NRXN3: variants seen among roughly 807,000 people sequenced by gnomAD.
NRXN3 encodes neurexin 3.
Under a neutral mutation model 137.6 loss-of-function variants are expected in NRXN3, and 32 were observed. That is an observed-to-expected ratio of 0.23 (90% CI 0.18 to 0.31). The LOEUF (loss-of-function observed/expected upper bound fraction) is 0.31, where lower values mean the gene tolerates loss of function less well. NRXN3 is among the 10% of genes least tolerant of loss of function. The probability of loss-of-function intolerance (pLI) is 1.00; values close to 1 mark genes in which losing one functional copy is unlikely to be tolerated. For synonymous variants in NRXN3, 798 were observed against 784.5 expected (o/e 1.02, Z -0.29); for missense variants, 1,574 against 2,062.5 (o/e 0.76, Z 4.59).
At chr14:78,477,828 C>T (rs1399631623) in intron 4 of NRXN3, among the ~76,000 whole-genome samples, 1 of 152,112 alleles carries the variant, frequency 6.6e-6, no homozygotes, top group African/African-American at 2.4e-5. Context: ...GTTTAATTTT[C>T]ATAGAAGTTC....
At chr14:79,755,557 A>G (rs897103922) in intron 19 of NRXN3, among the ~76,000 whole-genome samples, 2 of 149,144 alleles carry the variant, frequency 1.3e-5, no homozygotes, top group African/African-American at 2.5e-5. Context: ...TGCTAGAAGT[A>G]GTTTACTGTC....
At chr14:79,076,534 C>G (rs1228370206) in intron 15 of NRXN3, among the ~76,000 whole-genome samples, 1 of 152,122 alleles carries the variant, frequency 6.6e-6, no homozygotes, top group Non-Finnish European at 1.5e-5. Context: ...GGCACAAGAG[C>G]CTTTCTACAG....
chr14:78,392,686 G>A (rs960739352), intron 4 of NRXN3, among the ~76,000 whole-genome samples: 3 of 152,018 alleles, frequency 2.0e-5, no homozygotes, highest in African/African-American at 7.2e-5. Flanking sequence ...CATGTAAAAT[G>A]GTCAATAAAT....
intron 15 of NRXN3, among the ~76,000 whole-genome samples, chr14:79,345,870 C>A (rs1000354829): frequency 3.3e-5 from 5 of 152,148 alleles, no homozygotes; most frequent in Non-Finnish European, 5.9e-5. Flanking sequence ...ATCAGTTAAA[C>A]CTATTTTCTT....
At chr14:78,888,858 C>T (rs77457783) in intron 10 of NRXN3, among the ~76,000 whole-genome samples, 12 of 130,022 alleles carry the variant, frequency 9.2e-5, no homozygotes, top group Admixed American at 2.9e-4. Context: ...TACACACACA[C>T]ACACACACAC....
At chr14:79,534,798 C>G (rs2097197702) in intron 16 of NRXN3, among the ~76,000 whole-genome samples, 1 of 152,110 alleles carries the variant, frequency 6.6e-6, no homozygotes, top group Non-Finnish European at 1.5e-5. Context: ...TGGGCAAAAA[C>G]ACAATTTGTA....
At chr14:79,499,786 G>A (rs778259806) in intron 16 of NRXN3, among the ~76,000 whole-genome samples, 9 of 152,084 alleles carry the variant, frequency 5.9e-5, no homozygotes, top group South Asian at 4.2e-4. Flanking sequence ...CTAGAATACC[G>A]AAAGAAAATT....
intron 4 of NRXN3, among the ~76,000 whole-genome samples, chr14:78,393,082 G>C (rs1196120755): frequency 2.0e-5 from 3 of 152,080 alleles, no homozygotes; most frequent in African/African-American, 7.2e-5. Flanking sequence ...CCAGAAAAGA[G>C]AAAACCATTC....
intron 15 of NRXN3, among the ~76,000 whole-genome samples, chr14:79,097,173 C>T (rs2050502384): frequency 6.6e-6 from 1 of 152,098 alleles, no homozygotes; most frequent in Admixed American, 6.6e-5. Flanking sequence ...TCACCTGCAA[C>T]ATGCTCAACT....
At chr14:79,345,466 T>C (rs2092822451) in intron 15 of NRXN3, among the ~76,000 whole-genome samples, 1 of 152,162 alleles carries the variant, frequency 6.6e-6, no homozygotes, top group Non-Finnish European at 1.5e-5. Context: ...GATGAGGTTT[T>C]GAGAAAAGCC....
At chr14:79,215,190 T>C (rs937756953) in intron 15 of NRXN3, among the ~76,000 whole-genome samples, 1 of 152,200 alleles carries the variant, frequency 6.6e-6, no homozygotes, top group Non-Finnish European at 1.5e-5. Flanking sequence ...GTAGTTATTG[T>C]CACTTTCCTA....
chr14:78,421,536 G>A (rs1285353789), intron 4 of NRXN3, among the ~76,000 whole-genome samples: 2 of 152,068 alleles, frequency 1.3e-5, no homozygotes, highest in Non-Finnish European at 2.9e-5. Flanking sequence ...GGTATAAAAT[G>A]GAGACTATTT....
At chr14:79,290,663 GAAA>G (rs11349861) in intron 15 of NRXN3, among the ~76,000 whole-genome samples, 11 of 106,656 alleles carry the variant, frequency 1.0e-4, no homozygotes, top group African/African-American at 3.3e-4. Context: ...GGTGGTTCCA[GAAA>G]AAAAAAAAAA....
chr14:78,175,273 G>A (rs2059151908), intron 1 of NRXN3, among the ~76,000 whole-genome samples: 1 of 152,192 alleles, frequency 6.6e-6, no homozygotes, highest in African/African-American at 2.4e-5. Flanking sequence ...CTGACCCTGA[G>A]GAGTTAGGGA....
At chr14:79,333,168 A>T (rs953737697) in intron 15 of NRXN3, among the ~76,000 whole-genome samples, 3 of 151,946 alleles carry the variant, frequency 2.0e-5, no homozygotes, top group African/African-American at 7.3e-5. Context: ...TTGCTAAATT[A>T]TCCCCTCAAC....
intron 4 of NRXN3, among the ~76,000 whole-genome samples, chr14:78,346,859 T>C (rs1202848298): frequency 6.6e-6 from 1 of 152,086 alleles, no homozygotes; most frequent in African/African-American, 2.4e-5. Flanking sequence ...GCAGGTGGCA[T>C]GTGGGCAGAG....
chr14:78,504,168 A>G (rs1228503251), intron 4 of NRXN3, among the ~76,000 whole-genome samples: 1 of 152,186 alleles, frequency 6.6e-6, no homozygotes, highest in African/African-American at 2.4e-5. Flanking sequence ...GTTATGTGGA[A>G]CACACTTTGG....
intron 10 of NRXN3, among the ~76,000 whole-genome samples, chr14:78,851,463 A>T (rs2099042446): frequency 6.6e-6 from 1 of 152,198 alleles, no homozygotes. Flanking sequence ...TAGATCTCAT[A>T]GATTAGCAGA....
chr14:79,014,880 T>G (rs2099576741), intron 15 of NRXN3, among the ~76,000 whole-genome samples: 1 of 152,106 alleles, frequency 6.6e-6, no homozygotes, highest in East Asian at 1.9e-4. Context: ...TGGTATAAGG[T>G]AGGTTCAGTC....
Sources: gnomAD v4.1 joint callset for allele counts (sites outside exome capture counted in the v4.1 genomes callset) on GRCh38, gnomAD v4.1.1 for gene constraint, MANE v1.5 for transcripts, NCBI Gene and HGNC (gene_info 2026-07-23, HGNC 2026-07-21) for gene names.